MRPL1: variants seen among roughly 807,000 people sequenced by gnomAD.
MRPL1 encodes mitochondrial ribosomal protein L1, also known as large ribosomal subunit protein uL1m.
A neutral mutation model predicts 38.0 loss-of-function variants in MRPL1; 28 were observed. The ratio of observed to expected loss-of-function variants is 0.74; its 90% CI spans 0.55 to 1.01. MRPL1 has a LOEUF of 1.01. Ranked by LOEUF, MRPL1 falls within the 50% of genes least tolerant of loss-of-function variation. The pLI is 0.00. For missense variants in MRPL1, 358 were observed against 389.8 expected (o/e 0.92, Z 0.69); for synonymous variants, 123 against 126.7 (o/e 0.97, Z 0.20).
intron 7 of MRPL1, among the ~76,000 whole-genome samples, chr4:77,920,920 C>T (rs2110253884): frequency 6.6e-6 from 1 of 152,208 alleles, no homozygotes; most frequent in Admixed American, 6.5e-5. Context: ...CCTGGCACCA[C>T]ATCCAGCTAA....
At chr4:77,918,839 AAT>A (rs545324121) in intron 7 of MRPL1, among the ~76,000 whole-genome samples, 1 of 151,928 alleles carries the variant, frequency 6.6e-6, no homozygotes, top group Non-Finnish European at 1.5e-5. Context: ...TTGTTGGATG[AAT>A]ATATATATAT....
intron 7 of MRPL1, among the ~76,000 whole-genome samples, chr4:77,926,163 AT>A (rs1413021555): frequency 3.3e-5 from 5 of 152,156 alleles, no homozygotes; most frequent in African/African-American, 4.8e-5. Context: ...GAAAAAGGGA[AT>A]TTTTTTATCC....
At position 77,883,328 on chromosome 4, in the gene MRPL1, A is replaced by C; in HGVS notation, c.230A>C (p.Tyr77Ser). Residue 77 changes from tyrosine to serine, a missense_variant, in exon 3 of 9, where the codon TAT becomes TCT. By Grantham distance (144) the Tyr-to-Ser change is moderately radical. Coordinates refer to ENST00000315567, the MANE Select transcript of MRPL1 (RefSeq NM_020236.4). ...DEIEKIKAYP[Y>S]MEGEPEDDVY... is the part of the protein sequence containing the mutation. ...ATAGAAAAAATAAAAGCATATCCCT[A>C]TATGGAAGGCGAACCTGAGGATGAT... The C allele has an allele frequency of 1.2e-6, 2 of 1,613,612 alleles. No homozygotes were observed. Among genetic ancestry groups the C allele is most frequent in the Non-Finnish European group, 8.5e-7 (1 of 1,179,724 alleles).
chr4:77,883,405 G>C lies in MRPL1; in HGVS notation c.307G>C (p.Val103Leu). Residue 103 changes from valine to leucine, a missense_variant, in exon 3 of 9, where the codon GTT (valine) becomes CTT (leucine). Coordinates refer to ENST00000315567, the MANE Select transcript of MRPL1 (RefSeq NM_020236.4). ...PRQIYEVEKA[V>L]HLLKKFQILD... ...ACAGATATATGAGGTGGAGAAAGCT[G>C]TTCACTTACTTAAGAAATTTCAAAT... The C allele has an allele frequency of 6.2e-7, 1 of 1,613,824 alleles. No homozygotes were observed.
chr4:77,871,720 A>G, intron 1 of MRPL1, 24 bp from the exon 2 acceptor site: 1 of 1,098,682 alleles, frequency 9.1e-7, no homozygotes, highest in South Asian at 1.6e-5. Context: ...TAATGTTAAT[A>G]TTTTACATGT....
In MRPL1 at chr4:77,887,296, A is replaced by G. The variant is rs768366471; in HGVS notation, c.558+5A>G. On this transcript the variant is annotated splice_donor_5th_base_variant and intron_variant, in intron 5 of 8. Transcript: ENST00000315567. ...GGCACTAGTCTGATACAGAAGGTAC[A>G]GTGTTGTTTTCATGTTCATTAAGTA... The G allele has an allele frequency of 3.1e-6, 5 of 1,610,540 alleles. No homozygotes were observed. Among genetic ancestry groups the G allele is most frequent in the South Asian group, 2.2e-5 (2 of 91,038 alleles).
chr4:77,947,878 T>A (rs1737308347), intron 7 of MRPL1, among the ~76,000 whole-genome samples: 1 of 152,196 alleles, frequency 6.6e-6, no homozygotes, highest in Non-Finnish European at 1.5e-5. Flanking sequence ...GTACTATATA[T>A]TAAAGTTGCT....
At chr4:77,903,887 A>C (rs1248160666) in intron 6 of MRPL1, among the ~76,000 whole-genome samples, 2 of 152,142 alleles carry the variant, frequency 1.3e-5, no homozygotes, top group Non-Finnish European at 2.9e-5. Flanking sequence ...AAGCTTTAAA[A>C]AAAAAAGTTG....
At chr4:77,931,720 C>T (rs1018337097) in intron 7 of MRPL1, among the ~76,000 whole-genome samples, 34 of 152,158 alleles carry the variant, frequency 2.2e-4, no homozygotes, top group African/African-American at 7.5e-4. Flanking sequence ...GAGTGGCTAC[C>T]GTGACTGGAC....
At chr4:77,915,388 G>T (rs1460000293) in intron 7 of MRPL1, among the ~76,000 whole-genome samples, 1 of 152,096 alleles carries the variant, frequency 6.6e-6, no homozygotes, top group Non-Finnish European at 1.5e-5. Context: ...TCTAACATTT[G>T]TCAGCAGTAC....
chr4:77,941,083 T>C (rs999070065), intron 7 of MRPL1, among the ~76,000 whole-genome samples: 1 of 152,100 alleles, frequency 6.6e-6, no homozygotes, highest in African/African-American at 2.4e-5. Context: ...CTGGCCACCA[T>C]AGTGAAACCA....
chr4:77,917,296 T>C (rs1469073469), intron 7 of MRPL1, among the ~76,000 whole-genome samples: 4 of 152,126 alleles, frequency 2.6e-5, no homozygotes, highest in Admixed American at 2.6e-4. Flanking sequence ...AAGTGCCTGG[T>C]AAATAAAATT....
At chr4:77,872,692 A>C (rs1025804384) in intron 2 of MRPL1, among the ~76,000 whole-genome samples, 3 of 152,130 alleles carry the variant, frequency 2.0e-5, no homozygotes, top group African/African-American at 7.2e-5. Context: ...GTGAAACCCT[A>C]TCTCTGCTGA....
chr4:77,924,280 T>C (rs1736658569), intron 7 of MRPL1, among the ~76,000 whole-genome samples: 1 of 152,208 alleles, frequency 6.6e-6, no homozygotes, highest in Admixed American at 6.5e-5. Context: ...GATTATGAAC[T>C]TCAAAGCTTC....
intron 7 of MRPL1, among the ~76,000 whole-genome samples, chr4:77,918,185 T>C (rs1736468075): frequency 6.6e-6 from 1 of 152,092 alleles, no homozygotes; most frequent in African/African-American, 2.4e-5. Flanking sequence ...TTCGAAAATA[T>C]ATACCAGGTA....
chr4:77,877,890 G>C (rs1426879458), intron 2 of MRPL1, among the ~76,000 whole-genome samples: 2 of 151,302 alleles, frequency 1.3e-5, no homozygotes, highest in Non-Finnish European at 2.9e-5. Flanking sequence ...TTTCCTGTGT[G>C]CCTGCAACTG....
chr4:77,910,498 G>A (rs1578051143), intron 7 of MRPL1, among the ~76,000 whole-genome samples: 1 of 152,176 alleles, frequency 6.6e-6, no homozygotes, highest in Non-Finnish European at 1.5e-5. Flanking sequence ...AATTAGTTGA[G>A]TGTGGTGGCA....
At chr4:77,896,207 G>T (rs1735908344) in intron 6 of MRPL1, among the ~76,000 whole-genome samples, 2 of 132,602 alleles carry the variant, frequency 1.5e-5, no homozygotes, top group Non-Finnish European at 1.6e-5. Context: ...CTCAATATTT[G>T]GAACCTTTTT....
chr4:77,890,163 C>CG (rs1735774347), intron 5 of MRPL1, among the ~76,000 whole-genome samples: 2 of 152,146 alleles, frequency 1.3e-5, no homozygotes, highest in African/African-American at 4.8e-5. Flanking sequence ...CAAAGCCTGG[C>CG]AGAGACACGA....
Sources: allele counts gnomAD v4.1 joint callset (sites outside exome capture counted in the v4.1 genomes callset), GRCh38; gene constraint gnomAD v4.1.1; transcripts MANE v1.5; gene names NCBI Gene and HGNC (gene_info 2026-07-23, HGNC 2026-07-21).